The following ZYG11A variants were observed in gnomAD, a reference collection of about 807,000 sequenced individuals.
The protein encoded by ZYG11A is protein zyg-11 homolog A.
In ZYG11A, 62 loss-of-function variants were observed where a neutral mutation model predicts 77.2. The observed-to-expected ratio is 0.80, with a 90% CI of 0.65 to 0.99. The LOEUF (loss-of-function observed/expected upper bound fraction) is 0.99. ZYG11A is among the 50% of genes least tolerant of loss of function. The probability of loss-of-function intolerance (pLI) is 0.00; values close to 1 mark genes in which losing one functional copy is unlikely to be tolerated. For missense variants in ZYG11A, 828 were observed against 896.8 expected (o/e 0.92, Z 0.98); for synonymous variants, 315 against 324.6 (o/e 0.97, Z 0.32).
Position 52,893,364 on chromosome 1 carries a change from C to T in ZYG11A, c.*407C>T, listed in dbSNP as rs965761531. On this transcript the variant is annotated 3_prime_UTR_variant, in exon 14 of 14. Coordinates refer to ENST00000371528, the MANE Select transcript of ZYG11A (RefSeq NM_001004339.3). ...TATATTAAATTTCCTTTGTTGTTAT[C>T]GTCATGTGAAGCTATGAGAAAAGCT... is the stretch of plus-strand genomic sequence containing the variant. The T allele has an allele frequency of 1.1e-4, 17 of 159,346 alleles. No homozygotes were observed. Among genetic ancestry groups the T allele is most frequent in the East Asian group, 7.2e-4 (4 of 5,556 alleles). 9.9% of individuals were successfully genotyped at this position (159,346 alleles called of 1,614,324 possible).
At chr1:52,879,761 T>TATTC (rs1553124485) in intron 10 of ZYG11A, among the ~76,000 whole-genome samples, 1 of 150,104 alleles carries the variant, frequency 6.7e-6, no homozygotes, top group Non-Finnish European at 1.5e-5. Flanking sequence ...TTTATTTATT[T>TATTC]ATTTATTTAT....
intron 13 of ZYG11A, among the ~76,000 whole-genome samples, chr1:52,891,760 A>G (rs1162683428): frequency 1.8e-4 from 28 of 152,028 alleles, no homozygotes; most frequent in Non-Finnish European, 2.9e-5. Context: ...TAAGACCGCC[A>G]GTTTCTTTCT....
intron 8 of ZYG11A, among the ~76,000 whole-genome samples, chr1:52,868,317 G>T (rs1646068322): frequency 6.6e-6 from 1 of 152,058 alleles, no homozygotes; most frequent in Admixed American, 6.6e-5. Flanking sequence ...TGATTGAGCA[G>T]TTTTAGGTGT....
rs1191580136 is a variant in ZYG11A, at chr1:52,864,466, G to A, written c.1326+309G>A. On this transcript the variant is annotated intron_variant, in intron 5 of 13. Transcript: ENST00000371528. ...TCACCATGTTGGTCAGGCTGGTCTC[G>A]AACTCCTGGCCTCATGAGCCATGGC... Among the ~76,000 whole-genome samples, 2 of 152,048 alleles carry A rather than the reference G, an allele frequency of 1.3e-5. 1 individual carries two copies. Among genetic ancestry groups the A allele is most frequent in the African/African-American group, 4.8e-5 (2 of 41,400 alleles).
At chr1:52,866,091 C>T in intron 5 of ZYG11A, among the ~76,000 whole-genome samples, 1 of 152,098 alleles carries the variant, frequency 6.6e-6, no homozygotes, top group Middle Eastern at 3.4e-3. Context: ...GCACCCACCA[C>T]CACGCCCGGC....
rs1645758997 is a variant in ZYG11A, at chr1:52,853,851, G to A, written c.91-614G>A. Among the ~76,000 whole-genome samples the A allele has an allele frequency of 4.6e-5, 7 of 152,082 alleles. 1 individual carries two copies. In the South Asian group the frequency reaches 1.5e-3, roughly 32 times the overall value. On this transcript the variant is annotated intron_variant, in intron 1 of 13. Transcript: ENST00000371528. ...GACTGGGGAAGTCAAAGTTGCATTC[G>A]GCTGTGATTGTGCCACTGCACTCCA...
chr1:52,885,864 G>T lies in ZYG11A; in HGVS notation c.1976G>T (p.Ser659Ile). 3 of 1,548,840 alleles carry T rather than the reference G, an allele frequency of 1.9e-6. No homozygotes were observed. The highest frequency in any genetic ancestry group is 2.6e-6 in the Non-Finnish European group (3 of 1,146,094). ...ACCATACAGAATTGGCCAAGTTCAAGTTGTAAGATGACAGCATTGGTGACC... is the reference window on the plus strand; with the variant it reads ...ACCATACAGAATTGGCCAAGTTCAATTTGTAAGATGACAGCATTGGTGACC... ...HATIQNWPSS[S>I]CKMTALVTYR... Residue 659 changes from serine (S) to isoleucine (I), a missense_variant, in exon 12 of 14, where the codon AGT becomes ATT. Coordinates refer to ENST00000371528, the MANE Select transcript of ZYG11A (RefSeq NM_001004339.3).
At chr1:52,864,194 T>C in intron 5 of ZYG11A, 37 bp downstream of exon 5, 1 of 1,539,878 alleles carries the variant, frequency 6.5e-7, no homozygotes, top group Non-Finnish European at 8.8e-7. Context: ...GCTTTTTTTG[T>C]TGTTGTTAAT....
intron 8 of ZYG11A, among the ~76,000 whole-genome samples, chr1:52,868,178 C>T (rs540046516): frequency 1.3e-5 from 2 of 151,656 alleles, no homozygotes; most frequent in African/African-American, 2.4e-5. Context: ...GTTGGCCAGG[C>T]TGGTCTCGAA....
At position 52,842,990 on chromosome 1, in the gene ZYG11A, G is replaced by C; in HGVS notation, c.90+17G>C. 1 of 1,506,434 alleles carries C rather than the reference G, an allele frequency of 6.6e-7. No homozygotes were observed. 93.3% of individuals were successfully genotyped at this position (1,506,434 alleles called of 1,614,324 possible). A position where few individuals can be genotyped will look rare whatever the true frequency, so the allele number is the denominator to read the frequency against. On this transcript the variant is annotated intron_variant, in intron 1 of 13. Transcript: ENST00000371528. ...GTGGTACAGGTGAGCACCGGGGTGC[G>C]GGCGGCGACGCGGACCTCGGCGCCA...
chr1:52,879,925 G>A (rs181019378), intron 10 of ZYG11A, among the ~76,000 whole-genome samples: 26 of 151,832 alleles, frequency 1.7e-4, no homozygotes, highest in African/African-American at 5.3e-4. Flanking sequence ...ACCACGCCCA[G>A]CTAATTTTTG....
chr1:52,881,796 T>G (rs1646367138), intron 11 of ZYG11A, 131 bp downstream of exon 11: 1 of 667,916 alleles, frequency 1.5e-6, no homozygotes, highest in Non-Finnish European at 2.4e-6. Flanking sequence ...CTAACCCATA[T>G]CTTTCCATCC....
chr1:52,853,347 T>TA (rs1406419417), intron 1 of ZYG11A, among the ~76,000 whole-genome samples: 1 of 152,244 alleles, frequency 6.6e-6, no homozygotes, highest in Non-Finnish European at 1.5e-5. Context: ...GTCAGTTTCT[T>TA]ACACTTTCAT....
At chr1:52,855,348 C>T (rs114465036) in intron 2 of ZYG11A, among the ~76,000 whole-genome samples, 57 of 151,874 alleles carry the variant, frequency 3.8e-4, no homozygotes, top group Admixed American at 1.1e-3. Flanking sequence ...TCACCATGTC[C>T]GGTCATAATT....
intron 8 of ZYG11A, among the ~76,000 whole-genome samples, chr1:52,871,395 A>G (rs1473609101): frequency 4.6e-5 from 7 of 151,708 alleles, no homozygotes; most frequent in Non-Finnish European, 4.4e-5. Context: ...TTGTCTTTGC[A>G]CTGTTTATGC....
chr1:52,874,319 A>G (rs967726187), intron 8 of ZYG11A, among the ~76,000 whole-genome samples: 2 of 152,002 alleles, frequency 1.3e-5, no homozygotes, highest in Non-Finnish European at 2.9e-5. Flanking sequence ...ACCCATCTCA[A>G]CTGCAGCCTC....
At position 52,877,832 on chromosome 1, in the gene ZYG11A, C is replaced by T. The variant is rs1229097375; in HGVS notation, c.1693C>T (p.Gln565Ter). The change falls in exon 9 of 14, where the codon CAA becomes TAA. Residue 565 changes from glutamine (Q) to a stop codon, truncating the protein, a stop_gained. Coordinates refer to ENST00000371528, the MANE Select transcript of ZYG11A (RefSeq NM_001004339.3). LOFTEE classifies it high-confidence loss of function. The stretch of plus-strand genomic sequence containing the variant: ...AAATCAAGGATTGCAAATCTTCATC[C>T]AAGTCTTGGAGGTGGGAAGACAGGA... ...IENQGLQIFI[Q>*]VLETFSESAI... 4 of 1,551,316 alleles carry T rather than the reference C, an allele frequency of 2.6e-6. No homozygotes were observed. Among genetic ancestry groups the T allele is most frequent in the Non-Finnish European group, 3.5e-6 (4 of 1,146,934 alleles).
At chr1:52,860,675 T>C in intron 3 of ZYG11A, 56 bp from the exon 4 acceptor site, 4 of 1,536,170 alleles carry the variant, frequency 2.6e-6, no homozygotes, top group Non-Finnish European at 3.5e-6. Flanking sequence ...TGGTTAAAAA[T>C]GAATGGTGAA....
chr1:52,856,897 T>A, intron 2 of ZYG11A, 101 bp from the exon 3 acceptor site: 1 of 1,244,952 alleles, frequency 8.0e-7, no homozygotes, highest in South Asian at 1.6e-5. Context: ...ATGTTGTCAT[T>A]ATTGTTATTA....
Sources: gnomAD v4.1 joint callset for allele counts (sites outside exome capture counted in the v4.1 genomes callset) on GRCh38, gnomAD v4.1.1 for gene constraint, MANE v1.5 for transcripts, NCBI Gene and HGNC (gene_info 2026-07-23, HGNC 2026-07-21) for gene names.